Variants in TANC2 observed in about 807,000 individuals in gnomAD.
The protein encoded by TANC2 is protein TANC2.
TANC2 carries 26 observed loss-of-function variants against 210.5 expected under a neutral mutation model. The observed-to-expected ratio is 0.12, with a 90% CI of 0.09 to 0.17. The LOEUF is 0.17. TANC2 is among the 10% of genes least tolerant of loss of function. The pLI is 1.00. For missense variants in TANC2, 2,129 were observed against 2,608.9 expected, an observed-to-expected ratio of 0.82 and a Z score of 4.01; for synonymous variants, 931 against 967.1, an observed-to-expected ratio of 0.96 and a Z score of 0.69.
intron 9 of TANC2, among the ~76,000 whole-genome samples, chr17:63,298,211 C>G (rs1028820374): frequency 6.6e-6 from 1 of 152,078 alleles, no homozygotes; most frequent in East Asian, 1.9e-4. Flanking sequence ...AAGTATCTAC[C>G]ACAAAGAATT....
chr17:63,091,838 C>A lies in TANC2; in HGVS notation c.140-7337C>A, dbSNP rs1018719438. On this transcript the variant is annotated intron_variant, in intron 3 of 27. Transcript: ENST00000689528. ...TTTTCACAATATTGATTCTTCCTATCCATGAGCATGGAATGTTCTTCCATT... is the reference window on the plus strand; with the variant it reads ...TTTTCACAATATTGATTCTTCCTATACATGAGCATGGAATGTTCTTCCATT... Among the ~76,000 whole-genome samples the A allele has an allele frequency of 3.9e-5, 6 of 152,134 alleles. No individual in the cohort carries two copies. In the South Asian group the frequency reaches 1.0e-3, roughly 26 times the overall value.
At chr17:63,024,224 A>G (rs1390965604) in intron 2 of TANC2, among the ~76,000 whole-genome samples, 1 of 152,196 alleles carries the variant, frequency 6.6e-6, no homozygotes, top group African/African-American at 2.4e-5. Flanking sequence ...CGAATTTATT[A>G]AGAAAGTAAA....
chr17:62,966,354 C>G lies in TANC2; in HGVS notation c.-419C>G, dbSNP rs1194110854. Among the ~76,000 whole-genome samples, 4 of 147,086 alleles carry G rather than the reference C, an allele frequency of 2.7e-5. No individual in the cohort carries two copies. The highest frequency in any genetic ancestry group is 2.0e-4 in the East Asian group (1 of 5,052). On this transcript the variant is annotated 5_prime_UTR_variant, in exon 1 of 28. Coordinates refer to ENST00000689528, the Ensembl canonical transcript of TANC2. The surrounding 1 kb of genome is among the most constrained non-coding windows in gnomAD (Gnocchi z 5.1). Reference sequence around the variant, plus strand: ...CCGGCGGGGGAAGCTGCGAGCGCTCCGAGCGCCCGGCCTAGGGCCGCTGGC... The same window carrying G: ...CCGGCGGGGGAAGCTGCGAGCGCTCGGAGCGCCCGGCCTAGGGCCGCTGGC...
chr17:63,202,310 C>T (rs2041560906), intron 7 of TANC2, among the ~76,000 whole-genome samples: 1 of 152,084 alleles, frequency 6.6e-6, no homozygotes, highest in African/African-American at 2.4e-5. Context: ...TATATTTATA[C>T]TCTGTGAGAA....
chr17:63,281,076 A>T (rs1433150577), intron 9 of TANC2, among the ~76,000 whole-genome samples: 5 of 152,166 alleles, frequency 3.3e-5, no homozygotes, highest in Non-Finnish European at 5.9e-5. Flanking sequence ...TGAACAAAAT[A>T]CAAAAAATAA....
At chr17:63,039,351 A>C (rs549807793) in intron 2 of TANC2, among the ~76,000 whole-genome samples, 1 of 152,182 alleles carries the variant, frequency 6.6e-6, no homozygotes, top group South Asian at 2.1e-4. Context: ...ATTTTTTGCA[A>C]AATCATCTGG....
intron 9 of TANC2, among the ~76,000 whole-genome samples, chr17:63,298,860 A>G (rs558005006): frequency 6.6e-6 from 1 of 152,236 alleles, no homozygotes; most frequent in Non-Finnish European, 1.5e-5. Flanking sequence ...CTATCAACCC[A>G]TCATCTAGGT....
At chr17:63,042,116 CT>C in intron 2 of TANC2, among the ~76,000 whole-genome samples, 1 of 152,132 alleles carries the variant, frequency 6.6e-6, no homozygotes, top group Non-Finnish European at 1.5e-5. Context: ...TTCAACCCTT[CT>C]GTGCGTTTAC....
chr17:63,361,292 T>G (rs1228687637), intron 14 of TANC2, among the ~76,000 whole-genome samples: 1 of 152,206 alleles, frequency 6.6e-6, no homozygotes, highest in Admixed American at 6.5e-5. Flanking sequence ...TCGTTCTGCC[T>G]ACTCAGCTCA....
At chr17:63,116,316 A>C (rs1183859380) in intron 4 of TANC2, among the ~76,000 whole-genome samples, 1 of 152,222 alleles carries the variant, frequency 6.6e-6, no homozygotes, top group African/African-American at 2.4e-5. Flanking sequence ...TACCATTACG[A>C]CAATTCTATG....
chr17:63,218,182 G>A (rs2042073858), intron 7 of TANC2, among the ~76,000 whole-genome samples: 1 of 151,834 alleles, frequency 6.6e-6, no homozygotes, highest in Non-Finnish European at 1.5e-5. Flanking sequence ...TTACCCAGGA[G>A]GCTTGATCCC....
chr17:63,130,985 T>G (rs1039411219), intron 4 of TANC2: 2 of 151,936 alleles, frequency 1.3e-5, no homozygotes, highest in Non-Finnish European at 2.9e-5. Context: ...TTTAGCAGAG[T>G]TTATAAGAGT....
exon 28 of TANC2, chr17:63,425,708 AGGGGTCTT>A (rs1393964349): frequency 1.3e-5 from 2 of 152,230 alleles, no homozygotes; most frequent in Non-Finnish European, 2.9e-5. Context: ...GAGGCCTGGA[AGGGGTCTT>A]CGTGCATCTG....
At chr17:63,382,940 C>T (rs1008282615) in intron 15 of TANC2, among the ~76,000 whole-genome samples, 6 of 152,182 alleles carry the variant, frequency 3.9e-5, no homozygotes, top group South Asian at 2.1e-4. Context: ...TCTGGCTATA[C>T]ATTAGATTCT....
At chr17:63,339,317 GTAC>G (rs1323704188) in intron 11 of TANC2, among the ~76,000 whole-genome samples, 2 of 152,124 alleles carry the variant, frequency 1.3e-5, no homozygotes, top group Non-Finnish European at 2.9e-5. Flanking sequence ...AATCCCCTTT[GTAC>G]TTGCCGTGGA....
chr17:63,403,260 G>A lies in TANC2; in HGVS notation c.3332-1862G>A, dbSNP rs374310500. Among the ~76,000 whole-genome samples the A allele has an allele frequency of 8.5e-5, 13 of 152,138 alleles. No individual in the cohort carries two copies. The South Asian group carries it at 2.3e-3, about 27-fold the overall frequency. ...TCTCTAGGATGCTGTAACTTCTTTC[G>A]TGAAAAATAATGTATTTGGCACCCT... On this transcript the variant is annotated intron_variant, in intron 19 of 27. Coordinates refer to ENST00000689528, the Ensembl canonical transcript of TANC2.
intron 2 of TANC2, among the ~76,000 whole-genome samples, chr17:63,069,096 G>C (rs2036305961): frequency 6.6e-6 from 1 of 152,064 alleles, no homozygotes; most frequent in Non-Finnish European, 1.5e-5. Flanking sequence ...AAGATTTGGT[G>C]AAGTTTGATA....
chr17:63,050,927 G>GCCTA (rs2035560607), intron 2 of TANC2, among the ~76,000 whole-genome samples: 1 of 152,126 alleles, frequency 6.6e-6, no homozygotes, highest in Non-Finnish European at 1.5e-5. Context: ...TATTTCACAA[G>GCCTA]CCTACCCTTT....
At chr17:63,331,906 A>G (rs896717126) in intron 11 of TANC2, 104 of 220,276 alleles carry the variant, frequency 4.7e-4, no homozygotes, top group Non-Finnish European at 5.4e-5. Flanking sequence ...ATTTATATTT[A>G]AAAGACTTCT....
Sources: allele counts gnomAD v4.1 joint callset (sites outside exome capture counted in the v4.1 genomes callset), GRCh38; gene constraint gnomAD v4.1.1; non-coding constraint Gnocchi (gnomAD v3.1); transcripts MANE v1.5; gene names NCBI Gene and HGNC (gene_info 2026-07-23, HGNC 2026-07-21).